Variants in CDKN2B-AS1 observed in about 807,000 individuals in gnomAD.
CDKN2B-AS1 encodes CDKN2B antisense RNA 1 (non-protein coding).
At chr9:22,084,175 C>T (rs1824790444) in intron 4 of CDKN2B-AS1, among the ~76,000 whole-genome samples, 1 of 152,136 alleles carries the variant, frequency 6.6e-6, no homozygotes, top group Non-Finnish European at 1.5e-5. Flanking sequence ...TTATGTAACA[C>T]ACCCAAGGTA....
At chr9:22,061,524 A>G (rs2131299081) in intron 4 of CDKN2B-AS1, among the ~76,000 whole-genome samples, 1 of 152,318 alleles carries the variant, frequency 6.6e-6, no homozygotes, top group South Asian at 2.1e-4. Context: ...TGTCTGACTG[A>G]CATTTAAAAT....
At chr9:22,021,547 C>G (rs1271473702) in intron 1 of CDKN2B-AS1, among the ~76,000 whole-genome samples, 1 of 152,176 alleles carries the variant, frequency 6.6e-6, no homozygotes, top group Non-Finnish European at 1.5e-5. Flanking sequence ...CTGATTCTTC[C>G]TATACATGAG....
chr9:22,066,625 A>C (rs1442901794), intron 4 of CDKN2B-AS1, among the ~76,000 whole-genome samples: 2 of 151,992 alleles, frequency 1.3e-5, no homozygotes, highest in Non-Finnish European at 2.9e-5. Context: ...ACTGCACAAT[A>C]TCTTTGCTAT....
chr9:22,119,829 T>C (rs1232382879), intron 4 of CDKN2B-AS1: 1 of 152,232 alleles, frequency 6.6e-6, no homozygotes, highest in East Asian at 1.9e-4. Flanking sequence ...CTTGGTACCA[T>C]TTATCTAGCA....
intron 4 of CDKN2B-AS1, among the ~76,000 whole-genome samples, chr9:22,085,754 T>C (rs558543247): frequency 6.6e-6 from 1 of 151,844 alleles, no homozygotes; most frequent in Non-Finnish European, 1.5e-5. Context: ...CCTCTCTTTA[T>C]ATCTCAGGGT....
chr9:22,012,180 C>T (rs1034183794), intron 1 of CDKN2B-AS1: 94 of 1,376,608 alleles, frequency 6.8e-5, no homozygotes, highest in Non-Finnish European at 8.3e-5. Flanking sequence ...AAGACCCTCA[C>T]GGGCAAGACC....
At chr9:22,071,171 A>G (rs1824270956) in intron 4 of CDKN2B-AS1, among the ~76,000 whole-genome samples, 1 of 149,968 alleles carries the variant, frequency 6.7e-6, no homozygotes, top group African/African-American at 2.5e-5. Context: ...TCATTTTACA[A>G]CTTAGGAGAC....
chr9:22,113,408 AAG>A lies in CDKN2B-AS1; in HGVS notation n.439-13692_439-13691del, dbSNP rs72654243. 8.3e-4 allele frequency among the ~76,000 whole-genome samples: 127 copies of A among 152,324 alleles called. 2 individuals carry two copies. The highest frequency in any genetic ancestry group is 6.8e-3 in the Middle Eastern group (2 of 294). On this transcript the variant is annotated intron_variant and non_coding_transcript_variant, in intron 4 of 4. Coordinates refer to ENST00000650946, the Ensembl canonical transcript of CDKN2B-AS1. The stretch of plus-strand genomic sequence containing the variant: ...TCTGCCACCAGCAGAAGAGGCTTTT[AAG>A]AGTTTATGGGATTAGATTACATCCG...
At chr9:22,115,748 G>T (rs1825933782) in intron 4 of CDKN2B-AS1, among the ~76,000 whole-genome samples, 1 of 152,000 alleles carries the variant, frequency 6.6e-6, no homozygotes, top group African/African-American at 2.4e-5. Flanking sequence ...GGGATTATTG[G>T]TGGTTTTCTA....
intron 4 of CDKN2B-AS1, among the ~76,000 whole-genome samples, chr9:22,083,870 A>T (rs1824781684): frequency 6.6e-6 from 1 of 152,170 alleles, no homozygotes; most frequent in Non-Finnish European, 1.5e-5. Context: ...TTAGATATGG[A>T]GGACACTGGT....
chr9:22,088,119 C>T (rs192560535), intron 4 of CDKN2B-AS1, among the ~76,000 whole-genome samples: 3 of 152,258 alleles, frequency 2.0e-5, no homozygotes, highest in Non-Finnish European at 4.4e-5. Flanking sequence ...CTGGTGTGCT[C>T]TGTTTCCCCT....
At chr9:22,010,395 C>G (rs1821437792) in intron 1 of CDKN2B-AS1, among the ~76,000 whole-genome samples, 1 of 152,190 alleles carries the variant, frequency 6.6e-6, no homozygotes, top group Admixed American at 6.5e-5. Context: ...ATAAGTGGAC[C>G]TCTCCTAAAA....
In CDKN2B-AS1 at chr9:21,999,212, G is replaced by T. The variant is rs1368231700; in HGVS notation, n.29+4051G>T. On this transcript the variant is annotated intron_variant and non_coding_transcript_variant, in intron 1 of 4. Transcript: ENST00000650946. The surrounding 1 kb of genome is among the most constrained non-coding windows in gnomAD (Gnocchi z 4.7). The stretch of plus-strand genomic sequence containing the variant: ...ACAATATCTAGTCAAAACTGTATGA[G>T]AATATAGGTACCCTTTGACTCAGCT... Among the ~76,000 whole-genome samples the T allele has an allele frequency of 1.3e-5, 2 of 151,804 alleles. No individual in the cohort carries two copies. Among genetic ancestry groups the T allele is most frequent in the Non-Finnish European group, 2.9e-5 (2 of 67,938 alleles).
intron 4 of CDKN2B-AS1, among the ~76,000 whole-genome samples, chr9:22,112,677 A>G (rs1314453487): frequency 6.6e-6 from 1 of 152,206 alleles, no homozygotes; most frequent in Non-Finnish European, 1.5e-5. Context: ...CATTTTTAGT[A>G]TATTATAAAG....
At chr9:22,104,266 G>A (rs559369441) in intron 4 of CDKN2B-AS1, among the ~76,000 whole-genome samples, 1 of 152,162 alleles carries the variant, frequency 6.6e-6, no homozygotes, top group Non-Finnish European at 1.5e-5. Context: ...ACTTGGCAAG[G>A]TCAGGCACCT....
chr9:22,108,444 T>C (rs927927441), intron 4 of CDKN2B-AS1, among the ~76,000 whole-genome samples: 3 of 152,124 alleles, frequency 2.0e-5, no homozygotes, highest in African/African-American at 7.2e-5. Flanking sequence ...CCATAGACAA[T>C]AAATGGTTAC....
chr9:22,123,636 G>T (rs561978178), intron 4 of CDKN2B-AS1, among the ~76,000 whole-genome samples: 2 of 151,244 alleles, frequency 1.3e-5, no homozygotes, highest in African/African-American at 4.8e-5. Flanking sequence ...ATGAGAAGAT[G>T]GATTAAAAAA....
chr9:22,005,656 C>T lies in CDKN2B-AS1; in HGVS notation n.29+10495C>T, dbSNP rs1821136757. 16 of 478,534 alleles carry T rather than the reference C, an allele frequency of 3.3e-5. No homozygotes were observed. Among genetic ancestry groups the T allele is most frequent in the South Asian group, 2.4e-4 (11 of 46,276 alleles). 29.6% of individuals were successfully genotyped at this position (478,534 alleles called of 1,614,324 possible). On this transcript the variant is annotated intron_variant and non_coding_transcript_variant, in intron 1 of 4. Transcript: ENST00000650946. The surrounding 1 kb of genome is among the most constrained non-coding windows in gnomAD (Gnocchi z 4.9). ...CATCCATCGGAAGATTCGTAGCCAC[C>T]AGGTCCAGTCAAGGATTTCATATGC...
intron 1 of CDKN2B-AS1, among the ~76,000 whole-genome samples, chr9:22,016,526 C>G (rs1821767485): frequency 6.6e-6 from 1 of 152,200 alleles, no homozygotes. Flanking sequence ...CTGGAGGCAT[C>G]ATGCAACCTG....
Sources: gnomAD v4.1 joint callset for allele counts (sites outside exome capture counted in the v4.1 genomes callset) on GRCh38, gnomAD v4.1.1 for gene constraint, Gnocchi (gnomAD v3.1) non-coding constraint, MANE v1.5 for transcripts, NCBI Gene and HGNC (gene_info 2026-07-23, HGNC 2026-07-21) for gene names.